The following CDC42BPA variants were observed in gnomAD, a reference collection of about 807,000 sequenced individuals.
The protein encoded by CDC42BPA is CDC42 binding protein kinase alpha.
CDC42BPA carries 80 observed loss-of-function variants against 223.5 expected under a neutral mutation model. The observed-to-expected ratio is 0.36, with a 90% CI of 0.30 to 0.43. The LOEUF is 0.43. Ranked by LOEUF, CDC42BPA falls within the 20% of genes least tolerant of loss-of-function variation. The pLI, the probability that CDC42BPA is intolerant of heterozygous loss-of-function variation, is 1.00. For synonymous variants in CDC42BPA, 694 were observed against 718.6 expected (o/e 0.97, Z 0.55); for missense variants, 1,743 against 2,099.9 (o/e 0.83, Z 3.32).
intron 24 of CDC42BPA, among the ~76,000 whole-genome samples, chr1:227,037,785 T>C (rs1344153174): frequency 3.9e-5 from 6 of 152,224 alleles, no homozygotes; most frequent in Admixed American, 2.0e-4. Context: ...ATGCATATTA[T>C]GGAAAAACTA....
chr1:227,070,559 G>A (rs1267994836), intron 20 of CDC42BPA, among the ~76,000 whole-genome samples: 1 of 151,892 alleles, frequency 6.6e-6, no homozygotes, highest in East Asian at 1.9e-4. Flanking sequence ...GACATCAGCT[G>A]ATTTGTGTTT....
At chr1:227,208,771 G>A (rs1237639337) in intron 3 of CDC42BPA, among the ~76,000 whole-genome samples, 1 of 152,160 alleles carries the variant, frequency 6.6e-6, no homozygotes, top group African/African-American at 2.4e-5. Context: ...TTGTAGTATA[G>A]TTTGAAGTCA....
chr1:227,226,239 G>C (rs1451557116), intron 2 of CDC42BPA, among the ~76,000 whole-genome samples: 1 of 152,114 alleles, frequency 6.6e-6, no homozygotes, highest in Non-Finnish European at 1.5e-5. Flanking sequence ...ACATATACTT[G>C]GAGTCTACTC....
chr1:227,310,394 A>C (rs75453496), intron 1 of CDC42BPA, among the ~76,000 whole-genome samples: 1 of 152,170 alleles, frequency 6.6e-6, no homozygotes, highest in Non-Finnish European at 1.5e-5. Context: ...AAAGAGAAGC[A>C]AACAGTTCCA....
intron 12 of CDC42BPA, among the ~76,000 whole-genome samples, chr1:227,114,107 A>C (rs1196381903): frequency 6.6e-6 from 1 of 151,968 alleles, no homozygotes; most frequent in East Asian, 1.9e-4. Flanking sequence ...ACATTTATGA[A>C]TCAAGAAAAA....
At chr1:227,079,414 C>T (rs1487054590) in intron 17 of CDC42BPA, among the ~76,000 whole-genome samples, 1 of 152,084 alleles carries the variant, frequency 6.6e-6, no homozygotes, top group South Asian at 2.1e-4. Flanking sequence ...ATGCCAGACA[C>T]TTGAAAAAAT....
chr1:227,220,285 TATATATATATATA>T (rs1558796180), intron 2 of CDC42BPA, among the ~76,000 whole-genome samples: 4 of 57,594 alleles, frequency 6.9e-5, no homozygotes, highest in Non-Finnish European at 1.5e-4. Flanking sequence ...AGTCATGTTA[TATATATATATATA>T]TATATATATA....
At chr1:227,247,984 T>A (rs371803300) in intron 2 of CDC42BPA, among the ~76,000 whole-genome samples, 1 of 152,024 alleles carries the variant, frequency 6.6e-6, no homozygotes, top group Non-Finnish European at 1.5e-5. Context: ...AGTCTCTTAA[T>A]AGCAGAACTG....
In CDC42BPA at chr1:226,994,948, T is replaced by G; in HGVS notation, c.5008A>C (p.Arg1670=). 6.2e-7 allele frequency: 1 copy of G among 1,614,130 alleles called. No homozygotes were observed. Among genetic ancestry groups the G allele is most frequent in the Non-Finnish European group, 8.5e-7 (1 of 1,180,008 alleles). The change falls in exon 36 of 37, where the codon AGG becomes CGG. Residue 1670 remains arginine, a synonymous_variant. Transcript: ENST00000366766. This position sits in a 1 kb window ranked among gnomAD's most constrained non-coding sequence, Gnocchi z 4.0. ...SSAQNGSALK[R]EFSGGSYSAK... ...CTGTAGCTTCCTCCAGAGAATTCCC[T>G]CTTTAATGCGCTGCCATTCTGTGCG...
chr1:227,057,259 A>G (rs1674773028), intron 21 of CDC42BPA, among the ~76,000 whole-genome samples: 1 of 152,224 alleles, frequency 6.6e-6, no homozygotes, highest in African/African-American at 2.4e-5. Context: ...AATACTATTT[A>G]TAAAGAAAAT....
chr1:227,143,969 T>C (rs1660188244), intron 8 of CDC42BPA, among the ~76,000 whole-genome samples: 1 of 152,156 alleles, frequency 6.6e-6, no homozygotes, highest in Non-Finnish European at 1.5e-5. Flanking sequence ...TATAAAAAAT[T>C]GGTAAGAGAA....
chr1:227,152,105 A>C (rs1038247129), intron 6 of CDC42BPA, among the ~76,000 whole-genome samples: 9 of 152,098 alleles, frequency 5.9e-5, no homozygotes, highest in Non-Finnish European at 1.3e-4. Flanking sequence ...GACTTGTAGG[A>C]GTTTTTACAT....
intron 23 of CDC42BPA, among the ~76,000 whole-genome samples, chr1:227,042,334 C>T (rs1000595334): frequency 7.1e-6 from 1 of 141,366 alleles, no homozygotes. Context: ...TCCTCTCCAG[C>T]AAGAGATCTA....
At chr1:227,104,832 A>T (rs1474864915) in intron 14 of CDC42BPA, among the ~76,000 whole-genome samples, 4 of 152,128 alleles carry the variant, frequency 2.6e-5, no homozygotes. Flanking sequence ...TCAGCATGCC[A>T]CCAGAAGCCA....
At chr1:227,135,649 T>A (rs919931291) in intron 10 of CDC42BPA, among the ~76,000 whole-genome samples, 1 of 151,856 alleles carries the variant, frequency 6.6e-6, no homozygotes, top group Non-Finnish European at 1.5e-5. Flanking sequence ...GGTCAGGAGA[T>A]CGAGACTATC....
chr1:227,030,488 G>A lies in CDC42BPA; in HGVS notation c.3776-18C>T, dbSNP rs199719089. On this transcript the variant is annotated intron_variant, in intron 28 of 36. Coordinates refer to ENST00000366766, the MANE Select transcript of CDC42BPA (RefSeq NM_001394014.1). ...TTCATGATCTATGTAAGACATGAAT[G>A]TGAAAGATTTTTATTAGGAAAAAAA... The A allele has an allele frequency of 2.7e-6, 4 of 1,507,654 alleles. No individual in the cohort carries two copies. Among genetic ancestry groups the A allele is most frequent in the South Asian group, 1.2e-5 (1 of 80,062 alleles). The allele number at this position is 1,507,654 out of a possible 1,614,324, so 93.4% of individuals were successfully genotyped here. A position where few individuals can be genotyped will look rare whatever the true frequency, so the allele number is the denominator to read the frequency against.
Position 227,204,477 on chromosome 1 carries a change from C to G in CDC42BPA, c.355-4825G>C, listed in dbSNP as rs556571389. Among the ~76,000 whole-genome samples, 6 of 152,174 alleles carry G rather than the reference C, an allele frequency of 3.9e-5. No individual in the cohort carries two copies. In the South Asian group the frequency reaches 1.2e-3, roughly 32 times the overall value. ...ATCAAAGTTTTAATGTCTCCCCTCCCCAACTAAAATCCCAGAGTTTGACTA... is the reference window on the plus strand; with the variant it reads ...ATCAAAGTTTTAATGTCTCCCCTCCGCAACTAAAATCCCAGAGTTTGACTA... On this transcript the variant is annotated intron_variant, in intron 3 of 36. Coordinates refer to ENST00000366766, the MANE Select transcript of CDC42BPA (RefSeq NM_001394014.1).
intron 3 of CDC42BPA, among the ~76,000 whole-genome samples, chr1:227,212,511 T>C (rs1156388899): frequency 1.3e-5 from 2 of 152,114 alleles, no homozygotes; most frequent in African/African-American, 2.4e-5. Context: ...TTCACCATGA[T>C]ACAGCACAGC....
At chr1:227,049,909 TTAGAAGAAAATA>T (rs1558377617) in intron 22 of CDC42BPA, among the ~76,000 whole-genome samples, 1 of 151,976 alleles carries the variant, frequency 6.6e-6, no homozygotes, top group Non-Finnish European at 1.5e-5. Flanking sequence ...TTAAAAACTT[TTAGAAGAAAATA>T]TAGAAGAAAA....
Sources: allele counts gnomAD v4.1 joint callset (sites outside exome capture counted in the v4.1 genomes callset), GRCh38; gene constraint gnomAD v4.1.1; non-coding constraint Gnocchi (gnomAD v3.1); transcripts MANE v1.5; gene names NCBI Gene and HGNC (gene_info 2026-07-23, HGNC 2026-07-21).